EEF2K: variants seen among roughly 807,000 people sequenced by gnomAD.
EEF2K encodes alternative protein EEF2K.
Under a neutral mutation model 93.8 loss-of-function variants are expected in EEF2K, and 70 were observed. The observed-to-expected ratio is 0.75, with a 90% CI of 0.62 to 0.91. The LOEUF (loss-of-function observed/expected upper bound fraction) is 0.91. Ranked by LOEUF, EEF2K falls within the 40% of genes least tolerant of loss-of-function variation. The pLI, the probability that EEF2K is intolerant of heterozygous loss-of-function variation, is 0.00. For synonymous variants in EEF2K, 376 were observed against 380.8 expected, an observed-to-expected ratio of 0.99 and a Z score of 0.15; for missense variants, 935 against 972.9, an observed-to-expected ratio of 0.96 and a Z score of 0.52.
chr16:22,276,559 T>C lies in EEF2K; in HGVS notation c.1889+2809T>C, dbSNP rs114828016. ...AAGGGATTCAGGCCCCAGAAGTTACTATCCAATAGGCGAAGGAGAAGGTGC... is the reference window on the plus strand; with the variant it reads ...AAGGGATTCAGGCCCCAGAAGTTACCATCCAATAGGCGAAGGAGAAGGTGC... On this transcript the variant is annotated intron_variant, in intron 16 of 17. Coordinates refer to ENST00000263026, the MANE Select transcript of EEF2K (RefSeq NM_013302.5). Among the ~76,000 whole-genome samples, 835 of 152,242 alleles carry C rather than the reference T, an allele frequency of 5.5e-3. 8 individuals carry two copies. Among genetic ancestry groups the C allele is most frequent in the African/African-American group, 0.019 (793 of 41,542 alleles).
At chr16:22,274,296 A>G (rs561444710) in intron 16 of EEF2K, among the ~76,000 whole-genome samples, 13 of 152,070 alleles carry the variant, frequency 8.5e-5, no homozygotes, top group African/African-American at 3.1e-4. Flanking sequence ...CAAAAAAAGA[A>G]AAGCTGGCCT....
chr16:22,230,124 C>T (rs867592548), intron 2 of EEF2K, among the ~76,000 whole-genome samples: 12 of 152,178 alleles, frequency 7.9e-5, no homozygotes, highest in African/African-American at 2.9e-4. Context: ...AGGAGGACAG[C>T]TCAAGTGTCC....
chr16:22,211,461 G>A lies in EEF2K; in HGVS notation c.-77+4782G>A, dbSNP rs959377830. ...TTTGTTTTTGTTTGTTTGTTTTTTC[G>A]GAGGTCTGGGGGCGGGGGGATAGAG... On this transcript the variant is annotated intron_variant, in intron 1 of 17. Coordinates refer to ENST00000263026, the MANE Select transcript of EEF2K (RefSeq NM_013302.5). Among the ~76,000 whole-genome samples, 9 of 152,102 alleles carry A rather than the reference G, an allele frequency of 5.9e-5. No homozygotes were observed. The East Asian group carries it at 1.4e-3, about 23-fold the overall frequency.
At chr16:22,258,438 C>G (rs879097209) in intron 9 of EEF2K, 56 bp from the exon 10 acceptor site, 1 of 1,574,646 alleles carries the variant, frequency 6.4e-7, no homozygotes, top group South Asian at 1.1e-5. Flanking sequence ...CAGGAAGAGC[C>G]CTTTAATTCC....
chr16:22,251,109 C>A, intron 5 of EEF2K, 42 bp from the exon 6 acceptor site: 1 of 1,588,704 alleles, frequency 6.3e-7, no homozygotes, highest in South Asian at 1.2e-5. Context: ...CCTGGTGAAC[C>A]CCAGAGTACC....
chr16:22,225,641 G>T lies in EEF2K; in HGVS notation c.-76-13G>T, dbSNP rs1245271759. 1.2e-5 allele frequency: 18 copies of T among 1,546,112 alleles called. No homozygotes were observed. The Admixed American group carries it at 1.3e-4, about 11-fold the overall frequency. ...CCCCAGCACCCACTCTCTGGCCCTT[G>T]CTTTCCTTGTAGGACCTTCGCCTCT... is the stretch of plus-strand genomic sequence containing the variant. On this transcript the variant is annotated splice_polypyrimidine_tract_variant and intron_variant, in intron 1 of 17. Coordinates refer to ENST00000263026, the MANE Select transcript of EEF2K (RefSeq NM_013302.5).
chr16:22,211,513 G>T (rs908474882), intron 1 of EEF2K, among the ~76,000 whole-genome samples: 1 of 152,170 alleles, frequency 6.6e-6, no homozygotes. Context: ...AGGCTGGAGT[G>T]CAGTGGCACA....
rs529733543 is a variant in EEF2K, at chr16:22,254,838, T to TG, written c.619-1903dup. Among the ~76,000 whole-genome samples, 111 of 150,986 alleles carry TG rather than the reference T, an allele frequency of 7.4e-4. 1 individual carries two copies. Among genetic ancestry groups the TG allele is most frequent in the East Asian group, 1.4e-3 (7 of 5,110 alleles). On this transcript the variant is annotated intron_variant, in intron 6 of 17. Transcript: ENST00000263026. ...TCTCAGCACTTTGGAAAGCCCGGGG[T>TG]GGGGGGGCGGATCACTTGAGGTCAG...
intron 2 of EEF2K, among the ~76,000 whole-genome samples, chr16:22,237,943 A>G (rs377001804): frequency 6.6e-6 from 1 of 152,126 alleles, no homozygotes; most frequent in Non-Finnish European, 1.5e-5. Context: ...GTGGTATCAT[A>G]GTGTTTGTAT....
At chr16:22,221,986 C>T (rs927294371) in intron 1 of EEF2K, among the ~76,000 whole-genome samples, 1 of 152,088 alleles carries the variant, frequency 6.6e-6, no homozygotes, top group Non-Finnish European at 1.5e-5. Context: ...AGGAGAATCG[C>T]TTGAACCTGG....
chr16:22,260,339 T>C (rs2047449602), intron 10 of EEF2K, 123 bp from the exon 11 acceptor site: 3 of 909,294 alleles, frequency 3.3e-6, no homozygotes, highest in Non-Finnish European at 5.1e-6. Flanking sequence ...TTTGTGCCTT[T>C]CTTTAAAGCT....
rs776259440 is a variant in EEF2K at position 22,256,724 on chromosome 16, T to C, written c.619-24T>C. 6 of 1,611,052 alleles carry C rather than the reference T, an allele frequency of 3.7e-6. No individual in the cohort carries two copies. The Admixed American group carries it at 1.0e-4, about 27-fold the overall frequency. Reference sequence around the variant, plus strand: ...GGAGGTGCGCCTGGGCCCTCCCGCCTGAGCCCACTCCCCATCCCACCAGGT... The same window carrying C: ...GGAGGTGCGCCTGGGCCCTCCCGCCCGAGCCCACTCCCCATCCCACCAGGT... On this transcript the variant is annotated intron_variant, in intron 6 of 17. Coordinates refer to ENST00000263026, the MANE Select transcript of EEF2K (RefSeq NM_013302.5).
chr16:22,271,190 G>A (rs922292940), intron 15 of EEF2K, among the ~76,000 whole-genome samples: 1 of 151,404 alleles, frequency 6.6e-6, no homozygotes, highest in Non-Finnish European at 1.5e-5. Context: ...GGCTGGTCTC[G>A]AACTACTGAC....
chr16:22,223,263 T>G (rs1232373024), intron 1 of EEF2K, among the ~76,000 whole-genome samples: 15 of 111,038 alleles, frequency 1.4e-4, no homozygotes, highest in African/African-American at 3.4e-4. Flanking sequence ...TTTTTTTCTG[T>G]TTTTTTTTTT....
At chr16:22,219,972 C>T (rs1031628527) in intron 1 of EEF2K, among the ~76,000 whole-genome samples, 1 of 152,158 alleles carries the variant, frequency 6.6e-6, no homozygotes, top group Admixed American at 6.6e-5. Context: ...AGAACCCTTC[C>T]CTATGGTTGC....
chr16:22,253,380 G>A (rs769220865), intron 6 of EEF2K, among the ~76,000 whole-genome samples: 6 of 152,136 alleles, frequency 3.9e-5, no homozygotes, highest in Admixed American at 2.6e-4. Context: ...TGAGGCAGGC[G>A]CAAGAAGCCA....
rs2047729822 is a variant in EEF2K, at chr16:22,284,240, T to G, written c.*244T>G. On this transcript the variant is annotated 3_prime_UTR_variant, in exon 18 of 18. Transcript: ENST00000263026. ...GGAAGTGGGGCTTGAAGAAGCAGCCTAATGAACCAACATACCGTTTTGTGT... is the reference window on the plus strand; with the variant it reads ...GGAAGTGGGGCTTGAAGAAGCAGCCGAATGAACCAACATACCGTTTTGTGT... The G allele has an allele frequency of 4.2e-6, 2 of 480,336 alleles. No homozygotes were observed. The highest frequency in any genetic ancestry group is 7.5e-6 in the Non-Finnish European group (2 of 265,650). 29.8% of individuals were successfully genotyped at this position (480,336 alleles called of 1,614,324 possible).
intron 2 of EEF2K, among the ~76,000 whole-genome samples, chr16:22,244,269 T>TTTTG (rs1192995219): frequency 1.3e-4 from 18 of 140,138 alleles, no homozygotes; most frequent in South Asian, 4.7e-4. Flanking sequence ...TATATATGTA[T>TTTTG]TGTGTGTGTG....
rs367819680 is a variant in EEF2K at position 22,210,919 on chromosome 16, A to G, written c.-77+4240A>G. 2.6e-5 allele frequency among the ~76,000 whole-genome samples: 4 copies of G among 152,198 alleles called. No individual in the cohort carries two copies. In the East Asian group the frequency reaches 5.8e-4, roughly 22 times the overall value. On this transcript the variant is annotated intron_variant, in intron 1 of 17. Coordinates refer to ENST00000263026, the MANE Select transcript of EEF2K (RefSeq NM_013302.5). ...TGTAAGTGATACTGAAATGCTACCA[A>G]TCTGTTCTGGGCAGGATCACAGTGG... is the stretch of plus-strand genomic sequence containing the variant.
Sources: allele counts gnomAD v4.1 joint callset (sites outside exome capture counted in the v4.1 genomes callset), GRCh38; gene constraint gnomAD v4.1.1; transcripts MANE v1.5; gene names NCBI Gene and HGNC (gene_info 2026-07-23, HGNC 2026-07-21).